The following SBF2 variants were observed in gnomAD, a reference collection of about 807,000 sequenced individuals.
SBF2 encodes SET binding factor 2.
Under a neutral mutation model 225.2 loss-of-function variants are expected in SBF2, and 112 were observed. The ratio of observed to expected loss-of-function variants is 0.50; its 90% CI spans 0.43 to 0.58. The LOEUF (loss-of-function observed/expected upper bound fraction) is 0.58. Ranked by LOEUF, SBF2 falls within the 20% of genes least tolerant of loss-of-function variation. The pLI, the probability that SBF2 is intolerant of heterozygous loss-of-function variation, is 0.00. For missense variants in SBF2, 1,996 were observed against 2,206.2 expected (o/e 0.90, Z 1.91); for synonymous variants, 763 against 773.3 (o/e 0.99, Z 0.22).
chr11:10,180,640 T>C (rs181871230), intron 2 of SBF2, among the ~76,000 whole-genome samples: 3 of 152,314 alleles, frequency 2.0e-5, no homozygotes, highest in Admixed American at 2.0e-4. Flanking sequence ...TTTTCTGTTA[T>C]TATCACTTTG....
chr11:9,780,128 G>T lies in SBF2; in HGVS notation c.*290C>A. On this transcript the variant is annotated 3_prime_UTR_variant, in exon 40 of 40. Coordinates refer to ENST00000256190, the MANE Select transcript of SBF2 (RefSeq NM_030962.4). Reference sequence around the variant, plus strand: ...AAGTAGGTGGTAGCCATTTTGCCTGGGTGAGGTTCACAGTTGGCTCAGGAG... The same window carrying T: ...AAGTAGGTGGTAGCCATTTTGCCTGTGTGAGGTTCACAGTTGGCTCAGGAG... 4.8e-6 allele frequency: 2 copies of T among 417,328 alleles called. No homozygotes were observed. The highest frequency in any genetic ancestry group is 9.0e-6 in the Non-Finnish European group (2 of 222,346). 25.9% of individuals were successfully genotyped at this position (417,328 alleles called of 1,614,324 possible). A position where few individuals can be genotyped will look rare whatever the true frequency, so the allele number is the denominator to read the frequency against.
chr11:10,024,185 T>G (rs530691875), intron 6 of SBF2, among the ~76,000 whole-genome samples: 1 of 152,226 alleles, frequency 6.6e-6, no homozygotes, highest in Non-Finnish European at 1.5e-5. Context: ...AGTATTACAT[T>G]GTATGAACAT....
Position 9,967,963 on chromosome 11 carries a change from CTCTCTCTCTATATA to C in SBF2, c.1600+364_1600+377del, listed in dbSNP as rs757034106. ...TGTCTGTCTGTCTCTCTCTCTCTCTCTCTCTCTCTATATATATATATATATATAAAATATATATA... is the reference window on the plus strand; with the variant it reads ...TGTCTGTCTGTCTCTCTCTCTCTCTCTATATATATATATAAAATATATATA... On this transcript the variant is annotated intron_variant, in intron 14 of 39. Coordinates refer to ENST00000256190, the MANE Select transcript of SBF2 (RefSeq NM_030962.4). Among the ~76,000 whole-genome samples the C allele has an allele frequency of 3.4e-3, 410 of 118,920 alleles. 1 individual carries two copies. Among genetic ancestry groups the C allele is most frequent in the African/African-American group, 0.011 (351 of 32,850 alleles). The allele number at this position is 118,920 out of a possible 152,430, so 78.0% of individuals were successfully genotyped here.
chr11:9,844,464 G>A (rs774853364), intron 24 of SBF2, among the ~76,000 whole-genome samples: 5 of 152,054 alleles, frequency 3.3e-5, no homozygotes, highest in East Asian at 1.9e-4. Context: ...TATCACCGAT[G>A]GAAGATAACT....
At chr11:10,088,045 A>T (rs940379136) in intron 2 of SBF2, among the ~76,000 whole-genome samples, 2 of 150,584 alleles carry the variant, frequency 1.3e-5, no homozygotes, top group African/African-American at 2.5e-5. Context: ...TTTTTTCCAG[A>T]CAAGGTCTCA....
intron 14 of SBF2, among the ~76,000 whole-genome samples, chr11:9,967,232 C>A (rs1866970849): frequency 6.6e-6 from 1 of 152,020 alleles, no homozygotes. Flanking sequence ...ATTAGCCGGG[C>A]CTGGTGGCGG....
intron 2 of SBF2, among the ~76,000 whole-genome samples, chr11:10,165,953 G>T (rs1955932520): frequency 1.3e-5 from 2 of 152,054 alleles, no homozygotes; most frequent in South Asian, 4.1e-4. Context: ...TAAACTCACA[G>T]AAAAGAATAA....
chr11:10,142,601 T>G (rs1364353634), intron 2 of SBF2, among the ~76,000 whole-genome samples: 1 of 152,218 alleles, frequency 6.6e-6, no homozygotes, highest in African/African-American at 2.4e-5. Context: ...GATATATGAA[T>G]TTAACAAATG....
chr11:9,880,516 T>C (rs1377920635), intron 17 of SBF2, among the ~76,000 whole-genome samples: 2 of 152,192 alleles, frequency 1.3e-5, no homozygotes, highest in South Asian at 2.1e-4. Context: ...TAGATTTGGT[T>C]TGTAACTTCT....
At chr11:10,095,779 C>T (rs185169651) in intron 2 of SBF2, among the ~76,000 whole-genome samples, 12 of 152,248 alleles carry the variant, frequency 7.9e-5, no homozygotes, top group Middle Eastern at 3.4e-3. Flanking sequence ...TTTAATCACA[C>T]GTACTGATTT....
At chr11:9,816,156 A>G (rs1004104478) in intron 29 of SBF2, among the ~76,000 whole-genome samples, 1 of 152,238 alleles carries the variant, frequency 6.6e-6, no homozygotes, top group Non-Finnish European at 1.5e-5. Flanking sequence ...GACTTGCAAA[A>G]CATTAAATTC....
chr11:9,802,404 T>C (rs1453874107), intron 32 of SBF2, among the ~76,000 whole-genome samples: 1 of 152,260 alleles, frequency 6.6e-6, no homozygotes, highest in African/African-American at 2.4e-5. Flanking sequence ...AGTTCTAATT[T>C]AAGTTCAGTG....
At chr11:10,083,079 C>T (rs1951430827) in intron 2 of SBF2, among the ~76,000 whole-genome samples, 1 of 152,064 alleles carries the variant, frequency 6.6e-6, no homozygotes, top group Non-Finnish European at 1.5e-5. Flanking sequence ...TTCTATACAC[C>T]AATAACTACC....
chr11:10,122,153 G>A (rs7124925), intron 2 of SBF2, among the ~76,000 whole-genome samples: 27,192 of 152,066 alleles, frequency 0.18, 2,596 homozygotes, highest in East Asian at 0.28. Flanking sequence ...ATCTATGGTA[G>A]GAATAAATCT....
At chr11:10,052,046 T>C (rs1950084830) in intron 2 of SBF2, among the ~76,000 whole-genome samples, 1 of 152,092 alleles carries the variant, frequency 6.6e-6, no homozygotes. Flanking sequence ...GAGGAAAATG[T>C]TTAGACAGCT....
intron 4 of SBF2, 128 bp downstream of exon 4, chr11:10,030,920 A>G: frequency 1.3e-6 from 1 of 795,342 alleles, no homozygotes; most frequent in Non-Finnish European, 2.0e-6. Context: ...GTTCATGCTA[A>G]CTGTATTTCA....
intron 2 of SBF2, among the ~76,000 whole-genome samples, chr11:10,098,679 GCACACACACACACA>G (rs56244507): frequency 3.2e-4 from 42 of 130,902 alleles, no homozygotes; most frequent in South Asian, 1.1e-3. Flanking sequence ...GACAAAAAAT[GCACACACACACACA>G]CACACACACA....
intron 1 of SBF2, among the ~76,000 whole-genome samples, chr11:10,285,912 A>T (rs1039058760): frequency 6.6e-6 from 1 of 152,270 alleles, no homozygotes; most frequent in Non-Finnish European, 1.5e-5. Flanking sequence ...AAAAATACAC[A>T]AATGGCAACA....
chr11:9,788,043 G>A, intron 35 of SBF2: 1 of 402,146 alleles, frequency 2.5e-6, no homozygotes, highest in South Asian at 2.3e-5. Flanking sequence ...CAGCCCATGG[G>A]AAATCTGATA....
Sources: gnomAD v4.1 joint callset for allele counts (sites outside exome capture counted in the v4.1 genomes callset) on GRCh38, gnomAD v4.1.1 for gene constraint, MANE v1.5 for transcripts, NCBI Gene and HGNC (gene_info 2026-07-23, HGNC 2026-07-21) for gene names.